CHRDL2: variants seen among roughly 807,000 people sequenced by gnomAD.
CHRDL2 encodes chordin-like protein 2.
A neutral mutation model predicts 54.3 loss-of-function variants in CHRDL2; 41 were observed. The observed-to-expected ratio is 0.76, with a 90% CI of 0.59 to 0.98. CHRDL2 has a LOEUF of 0.98. Among genes scored for constraint, CHRDL2 ranks in the 50% least tolerant of loss-of-function variants. The pLI is 0.00. For missense variants in CHRDL2, 518 were observed against 562.4 expected, an observed-to-expected ratio of 0.92 and a Z score of 0.80; for synonymous variants, 220 against 224.3, an observed-to-expected ratio of 0.98 and a Z score of 0.17.
intron 9 of CHRDL2, chr11:74,697,663 G>C (rs1418159354): frequency 2.2e-6 from 1 of 459,066 alleles, no homozygotes. Context: ...TCTTCTGTCT[G>C]TTCTCTTTGC....
chr11:74,721,607 T>C (rs559926340), intron 1 of CHRDL2, among the ~76,000 whole-genome samples: 2 of 152,372 alleles, frequency 1.3e-5, no homozygotes, highest in Non-Finnish European at 2.9e-5. Context: ...CCCAAGGCCA[T>C]GCCAGAACCA....
intron 10 of CHRDL2, 44 bp downstream of exon 10, chr11:74,697,161 G>T (rs1405395755): frequency 3.3e-6 from 5 of 1,505,986 alleles, no homozygotes; most frequent in Non-Finnish European, 3.7e-6. Context: ...CCGTGTCCTT[G>T]CCTTCTTCCT....
chr11:74,722,451 TAAC>T, intron 1 of CHRDL2, among the ~76,000 whole-genome samples: 1 of 152,320 alleles, frequency 6.6e-6, no homozygotes, highest in South Asian at 2.1e-4. Context: ...ATGGAACTAA[TAAC>T]AATCTTTACC....
Position 74,705,869 on chromosome 11 carries a change from G to A in CHRDL2, c.582+618C>T, listed in dbSNP as rs1161791225. On this transcript the variant is annotated intron_variant, in intron 6 of 10. Transcript: ENST00000376332. ...GGGGAATCTCTGGGAAGGGGAGGCA[G>A]CCTCTAGTCTCCCGGAGACCAGGAG... Among the ~76,000 whole-genome samples the A allele has an allele frequency of 2.0e-5, 3 of 152,268 alleles. No homozygotes were observed. In the East Asian group the frequency reaches 5.8e-4, roughly 29 times the overall value.
At chr11:74,722,523 ATATAT>A (rs1290596522) in intron 1 of CHRDL2, among the ~76,000 whole-genome samples, 2 of 151,722 alleles carry the variant, frequency 1.3e-5, no homozygotes, top group Non-Finnish European at 2.9e-5. Flanking sequence ...AGTGCCTGAC[ATATAT>A]TATATGCTCA....
intron 1 of CHRDL2, among the ~76,000 whole-genome samples, chr11:74,724,225 C>A (rs1229482333): frequency 6.6e-6 from 1 of 152,188 alleles, no homozygotes; most frequent in Non-Finnish European, 1.5e-5. Flanking sequence ...GTGCTAGATG[C>A]AAAGGCACAG....
intron 2 of CHRDL2, among the ~76,000 whole-genome samples, chr11:74,717,404 T>C (rs961397450): frequency 2.6e-5 from 4 of 152,180 alleles, no homozygotes; most frequent in Admixed American, 2.6e-4. Context: ...ACATGATATG[T>C]CTGGAATTTT....
In CHRDL2 at chr11:74,713,470, C is replaced by T; in HGVS notation, c.205G>A (p.Val69Met). Residue 69 changes from valine (V) to methionine (M), a missense_variant, in exon 3 of 11, where the codon GTG becomes ATG. Transcript: ENST00000376332. ...LRCTCSEGAHVSCYRLHCPPV... is the reference protein window; with the variant it reads ...LRCTCSEGAHMSCYRLHCPPV... ...GGACAGTGGAGGCGGTAACAACTCACATGGGCGCCCTGAAGGGGACACAAG... is the reference window on the plus strand; with the variant it reads ...GGACAGTGGAGGCGGTAACAACTCATATGGGCGCCCTGAAGGGGACACAAG... 3 of 1,614,130 alleles carry T rather than the reference C, an allele frequency of 1.9e-6. No homozygotes were observed. Among genetic ancestry groups the T allele is most frequent in the Non-Finnish European group, 2.5e-6 (3 of 1,179,974 alleles).
intron 9 of CHRDL2, chr11:74,697,664 T>A (rs1335050181): frequency 1.1e-5 from 5 of 458,594 alleles, no homozygotes; most frequent in African/African-American, 2.0e-5. Flanking sequence ...CTTCTGTCTG[T>A]TCTCTTTGCT....
intron 1 of CHRDL2, among the ~76,000 whole-genome samples, chr11:74,729,263 G>C (rs1338570893): frequency 1.3e-5 from 2 of 152,226 alleles, no homozygotes; most frequent in Non-Finnish European, 2.9e-5. Context: ...ATAGGAGGCA[G>C]GTGTTAGGAG....
intron 9 of CHRDL2, chr11:74,699,216 AAT>A (rs994450853): frequency 2.3e-4 from 35 of 152,416 alleles, no homozygotes; most frequent in African/African-American, 8.4e-4. Context: ...GTTACAGAAA[AAT>A]TGGAGAGAAG....
At position 74,702,842 on chromosome 11, in the gene CHRDL2, G is replaced by A. The variant is rs761324019; in HGVS notation, c.1072C>T (p.His358Tyr). The A allele has an allele frequency of 3.1e-6, 5 of 1,614,076 alleles. No homozygotes were observed. In the Admixed American group the frequency reaches 8.3e-5, roughly 27 times the overall value. ...ATCTCCACCAAGTCCGAGGCCTCGTGTTCCAGGGCAAAGCGACGCAGGTTG... is the reference window on the plus strand; with the variant it reads ...ATCTCCACCAAGTCCGAGGCCTCGTATTCCAGGGCAAAGCGACGCAGGTTG... ...PDNLRRFALE[H>Y]EASDLVEIYL... The change falls in exon 9 of 11, where the codon CAC becomes TAC. Residue 358 changes from histidine (H) to tyrosine (Y), a missense_variant. Physicochemically the swap from His to Tyr is moderately conservative, Grantham distance 83. Coordinates refer to ENST00000376332, the MANE Select transcript of CHRDL2 (RefSeq NM_001278473.3).
intron 1 of CHRDL2, among the ~76,000 whole-genome samples, chr11:74,720,707 T>C (rs1208699339): frequency 1.3e-5 from 2 of 152,202 alleles, no homozygotes; most frequent in Non-Finnish European, 2.9e-5. Flanking sequence ...TTGAAAGCAG[T>C]AATGAGTTGG....
chr11:74,702,557 C>A (rs1233719735), intron 9 of CHRDL2, among the ~76,000 whole-genome samples: 7 of 152,186 alleles, frequency 4.6e-5, no homozygotes, highest in Admixed American at 2.6e-4. Flanking sequence ...CAGCGCCTTC[C>A]CCCCAGGAGA....
chr11:74,698,809 C>T (rs1290658134), intron 9 of CHRDL2: 1 of 152,252 alleles, frequency 6.6e-6, no homozygotes, highest in Non-Finnish European at 1.5e-5. Context: ...GGGTGCTGGC[C>T]ACTGGCACCA....
At chr11:74,700,663 G>C (rs955285941) in intron 9 of CHRDL2, among the ~76,000 whole-genome samples, 2 of 146,348 alleles carry the variant, frequency 1.4e-5, no homozygotes, top group Middle Eastern at 3.6e-3. Context: ...TTTTGAGACG[G>C]AGTCTCACTC....
chr11:74,709,796 T>G (rs1007686063), intron 4 of CHRDL2, among the ~76,000 whole-genome samples: 2 of 152,182 alleles, frequency 1.3e-5, no homozygotes, highest in Non-Finnish European at 2.9e-5. Context: ...TAATGATCAC[T>G]TGGTCAGACT....
At chr11:74,717,013 G>A (rs2034375822) in intron 2 of CHRDL2, among the ~76,000 whole-genome samples, 1 of 152,156 alleles carries the variant, frequency 6.6e-6, no homozygotes, top group Non-Finnish European at 1.5e-5. Flanking sequence ...AGGATTGTCT[G>A]AGCCTGGGAA....
In CHRDL2 at chr11:74,715,641, C is replaced by T. The variant is rs573118980; in HGVS notation, c.196-2162G>A. 2.3e-4 allele frequency among the ~76,000 whole-genome samples: 35 copies of T among 149,730 alleles called. No individual in the cohort carries two copies. In the East Asian group the frequency reaches 7.0e-3, roughly 30 times the overall value. On this transcript the variant is annotated intron_variant, in intron 2 of 10. Transcript: ENST00000376332. The stretch of plus-strand genomic sequence containing the variant: ...AAAGAAAAAGAAAAAAAAAAGTAAG[C>T]AAGTAGGAACAAGAAGATTTCAGAT...
Sources: gnomAD v4.1 joint callset for allele counts (sites outside exome capture counted in the v4.1 genomes callset) on GRCh38, gnomAD v4.1.1 for gene constraint, MANE v1.5 for transcripts, NCBI Gene and HGNC (gene_info 2026-07-23, HGNC 2026-07-21) for gene names.